ALDH18A1: variants seen among roughly 807,000 people sequenced by gnomAD.
The protein encoded by ALDH18A1 is delta-1-pyrroline-5-carboxylate synthase.
A neutral mutation model predicts 88.8 loss-of-function variants in ALDH18A1; 44 were observed. The ratio of observed to expected loss-of-function variants is 0.50; its 90% CI spans 0.39 to 0.64. The LOEUF (loss-of-function observed/expected upper bound fraction) is 0.64. Among genes scored for constraint, ALDH18A1 ranks in the 30% least tolerant of loss-of-function variants. The probability of loss-of-function intolerance (pLI) is 0.00; values close to 1 mark genes in which losing one functional copy is unlikely to be tolerated. For synonymous variants in ALDH18A1, 331 were observed against 372.1 expected, an observed-to-expected ratio of 0.89 and a Z score of 1.27; for missense variants, 782 against 1,009.5, an observed-to-expected ratio of 0.77 and a Z score of 3.05.
intron 2 of ALDH18A1, among the ~76,000 whole-genome samples, chr10:95,647,073 C>T (rs1718360561): frequency 6.6e-6 from 1 of 152,032 alleles, no homozygotes; most frequent in African/African-American, 2.4e-5. Context: ...TTTCCCTCTG[C>T]TATTCTGCTT....
intron 2 of ALDH18A1, among the ~76,000 whole-genome samples, chr10:95,651,522 C>A (rs921718027): frequency 6.6e-6 from 1 of 152,154 alleles, no homozygotes; most frequent in African/African-American, 2.4e-5. Flanking sequence ...GTGGGCTGTA[C>A]AGGAAGCATG....
chr10:95,643,042 C>A lies in ALDH18A1; in HGVS notation c.253G>T (p.Gly85Trp). Residue 85 changes from glycine (G) to tryptophan (W), a missense_variant, in exon 3 of 18, where the codon GGG becomes TGG. This residue lies in a region of ALDH18A1 where 132 missense variants were observed against 255.5 expected (regional missense o/e 0.52). Transcript: ENST00000371224. ...CCCAGGGCCAGGCCACATTCATCCCCTCGGGTCACCACGGCACTGCCGAGC... is the reference window on the plus strand; with the variant it reads ...CCCAGGGCCAGGCCACATTCATCCCATCGGGTCACCACGGCACTGCCGAGC... Reference protein sequence around the residue: ...VKLGSAVVTRGDECGLALGRL... With the variant: ...VKLGSAVVTRWDECGLALGRL... 6.2e-7 allele frequency: 1 copy of A among 1,613,946 alleles called. No homozygotes were observed. Among genetic ancestry groups the A allele is most frequent in the Non-Finnish European group, 8.5e-7 (1 of 1,179,916 alleles).
In ALDH18A1 at chr10:95,627,476, T is replaced by C; in HGVS notation, c.1044A>G (p.Lys348=). 6.2e-7 allele frequency: 1 copy of C among 1,614,150 alleles called. No individual in the cohort carries two copies. Among genetic ancestry groups the C allele is most frequent in the South Asian group, 1.1e-5 (1 of 91,078 alleles). Residue 348 remains lysine (K), a synonymous_variant, in exon 9 of 18, where the codon AAA becomes AAG. Coordinates refer to ENST00000371224, the MANE Select transcript of ALDH18A1 (RefSeq NM_002860.4). ...TTACTTCTGAAAAGAAGGTACCAACTTTCTTCCCCTCCACAATGTCTGTGA... is the reference window on the plus strand; with the variant it reads ...TTACTTCTGAAAAGAAGGTACCAACCTTCTTCCCCTCCACAATGTCTGTGA... ...HVITDIVEGK[K]VGTFFSEVKP...
rs143874727 is a variant in ALDH18A1 at position 95,606,815 on chromosome 10, T to C, written c.2335A>G (p.Ser779Gly). The C allele has an allele frequency of 1.4e-4, 223 of 1,614,040 alleles. No individual in the cohort carries two copies. Among genetic ancestry groups the C allele is most frequent in the Non-Finnish European group, 3.9e-5 (46 of 1,180,018 alleles). ...HVVSDFSEHG[S>G]LKYLHENLPI... ...AGGTTCTCATGAAGATATTTTAAAC[T>C]TCCATGCTCTGAGAAATCTGAGACC... The change falls in exon 18 of 18, where the codon AGT becomes GGT. Residue 779 changes from serine (S) to glycine (G), a missense_variant. Physicochemically the swap from Ser to Gly is moderately conservative, Grantham distance 56. Transcript: ENST00000371224.
At chr10:95,617,271 A>T (rs2097845678) in intron 12 of ALDH18A1, among the ~76,000 whole-genome samples, 1 of 152,236 alleles carries the variant, frequency 6.6e-6, no homozygotes. Context: ...AGCAAAGAGA[A>T]CTGAGTTAAG....
chr10:95,636,419 A>C (rs1465007072), intron 5 of ALDH18A1, among the ~76,000 whole-genome samples: 2 of 152,200 alleles, frequency 1.3e-5, no homozygotes, highest in Non-Finnish European at 2.9e-5. Flanking sequence ...TAAGAATATA[A>C]TTCAAAAAAA....
At chr10:95,607,854 T>C (rs750085842) in intron 17 of ALDH18A1, among the ~76,000 whole-genome samples, 4 of 152,088 alleles carry the variant, frequency 2.6e-5, no homozygotes, top group African/African-American at 4.8e-5. Flanking sequence ...ACAGAGGTGC[T>C]GCAGGCAGAG....
chr10:95,649,125 A>G (rs2097905867), intron 2 of ALDH18A1, among the ~76,000 whole-genome samples: 1 of 152,196 alleles, frequency 6.6e-6, no homozygotes, highest in Non-Finnish European at 1.5e-5. Flanking sequence ...AAACATCACA[A>G]ACAGCCTTTC....
chr10:95,633,762 A>C, intron 5 of ALDH18A1, 113 bp from the exon 6 acceptor site: 1 of 957,114 alleles, frequency 1.0e-6, no homozygotes, highest in Non-Finnish European at 1.6e-6. Context: ...GGGGCCCCAC[A>C]CAGATTAGAA....
chr10:95,638,799 T>G lies in ALDH18A1; in HGVS notation c.304-1363A>C, dbSNP rs17111068. ...TCAATATTCCTAAACTGTCCTTTCCTTCTGATGTCTGAAACCTTTTAACTG... is the reference window on the plus strand; with the variant it reads ...TCAATATTCCTAAACTGTCCTTTCCGTCTGATGTCTGAAACCTTTTAACTG... On this transcript the variant is annotated intron_variant, in intron 3 of 17. Transcript: ENST00000371224. Among the ~76,000 whole-genome samples, 719 of 152,330 alleles carry G rather than the reference T, an allele frequency of 4.7e-3. 9 individuals are homozygous for G. In the East Asian group the frequency reaches 0.064, roughly 14 times the overall value.
chr10:95,636,364 G>A (rs2097880670), intron 5 of ALDH18A1, among the ~76,000 whole-genome samples: 1 of 152,078 alleles, frequency 6.6e-6, no homozygotes, highest in African/African-American at 2.4e-5. Flanking sequence ...GTTTCCTGAA[G>A]TGACTGTTAT....
intron 3 of ALDH18A1, among the ~76,000 whole-genome samples, chr10:95,637,953 A>C (rs1334869632): frequency 6.7e-6 from 1 of 149,978 alleles, no homozygotes; most frequent in Non-Finnish European, 1.5e-5. Flanking sequence ...AGAATGAGAG[A>C]GATGCTGTCT....
intron 2 of ALDH18A1, among the ~76,000 whole-genome samples, chr10:95,648,319 CTT>C: frequency 1.2e-5 from 1 of 85,554 alleles, no homozygotes; most frequent in African/African-American, 4.5e-5. Flanking sequence ...CATATTCTAC[CTT>C]CATCATCATC....
chr10:95,623,242 C>T (rs1169663762), intron 11 of ALDH18A1, among the ~76,000 whole-genome samples: 1 of 152,058 alleles, frequency 6.6e-6, no homozygotes, highest in African/African-American at 2.4e-5. Context: ...GTATATTTTC[C>T]ATGTTGCAAA....
At chr10:95,623,682 C>A (rs1377606270) in intron 11 of ALDH18A1, among the ~76,000 whole-genome samples, 1 of 152,214 alleles carries the variant, frequency 6.6e-6, no homozygotes, top group Non-Finnish European at 1.5e-5. Context: ...TCTCCTGCCT[C>A]AGCCTCCTGA....
chr10:95,626,562 G>A (rs1589517971), intron 10 of ALDH18A1, 141 bp downstream of exon 10: 1 of 790,030 alleles, frequency 1.3e-6, no homozygotes, highest in Non-Finnish European at 2.1e-6. Flanking sequence ...AAAAGGCAGA[G>A]CAAATTTGAA....
In ALDH18A1 at chr10:95,630,988, G is replaced by A. The variant is rs17111056; in HGVS notation, c.808+1971C>T. ...GCCCTTACCTCACAACTGCTTGAGC[G>A]TAAAACAGAGAACAGGTCCTGCCAT... On this transcript the variant is annotated intron_variant, in intron 7 of 17. Transcript: ENST00000371224. Among the ~76,000 whole-genome samples, 94 of 152,258 alleles carry A rather than the reference G, an allele frequency of 6.2e-4. 1 individual carries two copies. In the East Asian group the frequency reaches 0.012, roughly 19 times the overall value.
intron 15 of ALDH18A1, 59 bp downstream of exon 15, chr10:95,613,683 G>T (rs2097839697): frequency 1.9e-6 from 3 of 1,600,802 alleles, no homozygotes; most frequent in Non-Finnish European, 2.6e-6. Flanking sequence ...GCTGTGCCTG[G>T]TCTAATTCCA....
In ALDH18A1 at chr10:95,633,921, G is replaced by A. The variant is rs1890187; in HGVS notation, c.559-272C>T. Among the ~76,000 whole-genome samples, 142,239 of 150,980 alleles carry A rather than the reference G, an allele frequency of 0.94. 67,239 individuals are homozygous for A. Among genetic ancestry groups the A allele is most frequent in the Non-Finnish European group, 0.99 (67,315 of 67,940 alleles). On this transcript the variant is annotated intron_variant, in intron 5 of 17. Coordinates refer to ENST00000371224, the MANE Select transcript of ALDH18A1 (RefSeq NM_002860.4). ...AACCTCCACCTCCTGGGTTCAAGCAGTTCTCATGCCTCAGCTTTCCAAGTA... is the reference window on the plus strand; with the variant it reads ...AACCTCCACCTCCTGGGTTCAAGCAATTCTCATGCCTCAGCTTTCCAAGTA...
Sources: allele counts gnomAD v4.1 joint callset (sites outside exome capture counted in the v4.1 genomes callset), GRCh38; gene constraint gnomAD v4.1.1; regional missense constraint gnomAD v4.1.1; transcripts MANE v1.5; gene names NCBI Gene and HGNC (gene_info 2026-07-23, HGNC 2026-07-21).